Variants in KLHL38 observed in about 807,000 individuals in gnomAD.
KLHL38 encodes the protein kelch-like protein 38.
In KLHL38, 38 loss-of-function variants were observed where a neutral mutation model predicts 39.6. The observed-to-expected ratio is 0.96, with a 90% CI of 0.74 to 1.26. The LOEUF (loss-of-function observed/expected upper bound fraction) is 1.26, where lower values mean the gene tolerates loss of function less well. KLHL38 is among the 50% of genes most tolerant of loss of function. The pLI, the probability that KLHL38 is intolerant of heterozygous loss-of-function variation, is 0.00. For missense variants in KLHL38, 803 were observed against 748.1 expected (o/e 1.07, Z -0.86); for synonymous variants, 322 against 302.2 (o/e 1.07, Z -0.68).
intron 2 of KLHL38, among the ~76,000 whole-genome samples, chr8:123,650,908 C>T (rs139917374): frequency 1.8e-4 from 27 of 152,226 alleles, no homozygotes; most frequent in Middle Eastern, 6.8e-3. Context: ...TCTTTTAAGG[C>T]CTTACTGACT....
Position 123,652,387 on chromosome 8 carries a change from C to T in KLHL38, c.540G>A (p.Leu180=), listed in dbSNP as rs746461027. Residue 180 remains leucine (L), a synonymous_variant, in exon 2 of 4, where the codon TTG becomes TTA. Coordinates refer to ENST00000684634, the MANE Select transcript of KLHL38 (RefSeq NM_001081675.3). ...ADLKELCALE[L]RDYLGDDGLC... ...GCCCATCATCTCCGAGATAGTCCCT[C>T]AACTCCAAGGCACAGAGCTCCTTCA... The T allele has an allele frequency of 1.2e-6, 2 of 1,613,940 alleles. No homozygotes were observed. The highest frequency in any genetic ancestry group is 1.7e-6 in the Non-Finnish European group (2 of 1,180,044).
intron 2 of KLHL38, among the ~76,000 whole-genome samples, chr8:123,650,864 G>A (rs972035443): frequency 1.3e-5 from 2 of 152,142 alleles, no homozygotes; most frequent in African/African-American, 4.8e-5. Context: ...CAGGGGATTT[G>A]GTCACAGAGG....
At chr8:123,649,870 T>A (rs892397190) in intron 2 of KLHL38, among the ~76,000 whole-genome samples, 1 of 152,148 alleles carries the variant, frequency 6.6e-6, no homozygotes. Flanking sequence ...AACTCCATTG[T>A]CCTGCTTTCC....
At position 123,651,668 on chromosome 8, in the gene KLHL38, C is replaced by A; in HGVS notation, c.1259G>T (p.Gly420Val). Residue 420 changes from glycine (G) to valine (V), a missense_variant, in exon 2 of 4, where the codon GGG (glycine) becomes GTG (valine). Coordinates refer to ENST00000684634, the MANE Select transcript of KLHL38 (RefSeq NM_001081675.3). ...VWESMASMPV[G>V]VLHPAVAVKD... ...CACAGCGACTGCGGGGTGGAGCACC[C>A]CCACGGGCATGCTGGCCATACTCTC... 1 of 1,614,126 alleles carries A rather than the reference C, an allele frequency of 6.2e-7. No individual in the cohort carries two copies. The highest frequency in any genetic ancestry group is 8.5e-7 in the Non-Finnish European group (1 of 1,180,024).
chr8:123,649,841 C>T (rs1050984047), intron 2 of KLHL38, among the ~76,000 whole-genome samples: 1 of 152,196 alleles, frequency 6.6e-6, no homozygotes, highest in Admixed American at 6.5e-5. Context: ...CTGCCCTTCT[C>T]CTCTTTGCTC....
chr8:123,651,956 T>A lies in KLHL38; in HGVS notation c.971A>T (p.Lys324Met), dbSNP rs1587054933. Reference sequence around the variant, plus strand: ...GCGGTGCAAGGTGATGGCAGAGGCCTTGTACAGCCGTGTCGGGAGTTTGGC... The same window carrying A: ...GCGGTGCAAGGTGATGGCAGAGGCCATGTACAGCCGTGTCGGGAGTTTGGC... ...SLAKLPTRLY[K>M]ASAITLHRSI... Residue 324 changes from lysine (K) to methionine (M), a missense_variant, in exon 2 of 4, where the codon AAG (lysine) becomes ATG (methionine). Transcript: ENST00000684634. The A allele has an allele frequency of 6.2e-7, 1 of 1,614,250 alleles. No homozygotes were observed. The highest frequency in any genetic ancestry group is 2.2e-5 in the East Asian group (1 of 44,890).
chr8:123,645,813 G>A lies in KLHL38; in HGVS notation c.1672C>T (p.Gln558Ter), dbSNP rs772873243. 1.2e-6 allele frequency: 2 copies of A among 1,613,962 alleles called. No individual in the cohort carries two copies. The highest frequency in any genetic ancestry group is 1.1e-5 in the South Asian group (1 of 91,040). Residue 558 changes from glutamine to a stop codon, truncating the protein, a stop_gained, in exon 4 of 4, where the codon CAG becomes TAG. Coordinates refer to ENST00000684634, the MANE Select transcript of KLHL38 (RefSeq NM_001081675.3). LOFTEE classifies it high-confidence loss of function. ...PETDTWTSQG[Q>*]LPHKLFDHAC... ...TGGTCAAAGAGCTTGTGCGGCAGCT[G>A]TCCCTGGGATGTCCAGGTGTCCGTC...
intron 2 of KLHL38, among the ~76,000 whole-genome samples, chr8:123,651,311 T>G (rs1444080471): frequency 6.6e-6 from 1 of 152,246 alleles, no homozygotes; most frequent in Non-Finnish European, 1.5e-5. Flanking sequence ...TATATGTGTA[T>G]GCATGTGCAC....
rs747768437 is a variant in KLHL38, at chr8:123,652,426, G to A, written c.501C>T (p.Ala167=). Residue 167 remains alanine, a synonymous_variant, in exon 2 of 4, where the codon GCC becomes GCT. Transcript: ENST00000684634. ...EVALTSFPEV[A]ASADLKELCA... is the part of the protein sequence containing the mutation. ...AGAGCTCCTTCAGGTCGGCCGATGCGGCCACCTCTGGGAAGGACGTCAGTG... is the reference window on the plus strand; with the variant it reads ...AGAGCTCCTTCAGGTCGGCCGATGCAGCCACCTCTGGGAAGGACGTCAGTG... 213 of 1,613,972 alleles carry A rather than the reference G, an allele frequency of 1.3e-4. No homozygotes were observed. Among genetic ancestry groups the A allele is most frequent in the Middle Eastern group, 3.3e-4 (2 of 6,084 alleles).
Position 123,645,576 on chromosome 8 carries a change from G to C in KLHL38, c.*163C>G. 1 of 648,846 alleles carries C rather than the reference G, an allele frequency of 1.5e-6. No homozygotes were observed. Among genetic ancestry groups the C allele is most frequent in the South Asian group, 1.9e-5 (1 of 51,500 alleles). 40.2% of individuals were successfully genotyped at this position (648,846 alleles called of 1,614,324 possible). A position where few individuals can be genotyped will look rare whatever the true frequency, so the allele number is the denominator to read the frequency against. On this transcript the variant is annotated 3_prime_UTR_variant, in exon 4 of 4. Coordinates refer to ENST00000684634, the MANE Select transcript of KLHL38 (RefSeq NM_001081675.3). ...AAGGAGAGAGGCAGAGAAGGAGAGAGAGAGTTCTGGCAATGCAATGCCTAG... is the reference window on the plus strand; with the variant it reads ...AAGGAGAGAGGCAGAGAAGGAGAGACAGAGTTCTGGCAATGCAATGCCTAG...
intron 2 of KLHL38, among the ~76,000 whole-genome samples, chr8:123,649,563 T>A (rs542854810): frequency 3.2e-4 from 49 of 152,322 alleles, no homozygotes; most frequent in Non-Finnish European, 2.6e-4. Context: ...AATGTGAATG[T>A]GTTTTACCTC....
rs1295619803 is a variant in KLHL38 at position 123,646,895 on chromosome 8, C to G, written c.1456+14G>C. On this transcript the variant is annotated intron_variant, in intron 3 of 3. Transcript: ENST00000684634. Reference sequence around the variant, plus strand: ...AGTTTGTGTCACGCCCAGTGATCCTCTGTTCAGACTCACCTCCCACAATGA... The same window carrying G: ...AGTTTGTGTCACGCCCAGTGATCCTGTGTTCAGACTCACCTCCCACAATGA... 2 of 1,581,204 alleles carry G rather than the reference C, an allele frequency of 1.3e-6. No individual in the cohort carries two copies. The highest frequency in any genetic ancestry group is 3.4e-5 in the Admixed American group (2 of 58,316).
At position 123,651,927 on chromosome 8, in the gene KLHL38, T is replaced by C. The variant is rs11784192; in HGVS notation, c.1000A>G (p.Ile334Val). The C allele has an allele frequency of 0.83, 1,332,240 of 1,614,118 alleles. 552,632 individuals are homozygous for C. The highest frequency in any genetic ancestry group is 0.85 in the Non-Finnish European group (1,004,350 of 1,180,026). Reference protein sequence around the residue: ...KASAITLHRSIYVLGGMAVSS... With the variant: ...KASAITLHRSVYVLGGMAVSS... The stretch of plus-strand genomic sequence containing the variant: ...ACAGCCATGCCCCCCAGCACATAGA[T>C]GCTGCGGTGCAAGGTGATGGCAGAG... The change falls in exon 2 of 4, where the codon ATC becomes GTC. Residue 334 changes from isoleucine (I) to valine (V), a missense_variant. Physicochemically the swap from Ile to Val is conservative, Grantham distance 29. Coordinates refer to ENST00000684634, the MANE Select transcript of KLHL38 (RefSeq NM_001081675.3).
In KLHL38 at chr8:123,645,952, C is replaced by A. The variant is rs1437386442; in HGVS notation, c.1533G>T (p.Arg511Ser). ...CCATCACTGTGGCCCCATGGTGCAT[C>A]CTCCGGTCTTTCATGTCCGCACATT... ...FVKCADMKDR[R>S]MHHGATVMGN... is the part of the protein sequence containing the mutation. The change falls in exon 4 of 4, where the codon AGG becomes AGT. Residue 511 changes from arginine (R) to serine (S), a missense_variant. Arg to Ser is a moderately radical substitution (Grantham distance 110, BLOSUM62 -1). Coordinates refer to ENST00000684634, the MANE Select transcript of KLHL38 (RefSeq NM_001081675.3). 6.2e-7 allele frequency: 1 copy of A among 1,614,156 alleles called. No homozygotes were observed. Among genetic ancestry groups the A allele is most frequent in the South Asian group, 1.1e-5 (1 of 91,076 alleles).
Position 123,651,881 on chromosome 8 carries a change from A to T in KLHL38, c.1046T>A (p.Val349Asp). The T allele has an allele frequency of 6.2e-7, 1 of 1,614,140 alleles. No individual in the cohort carries two copies. Among genetic ancestry groups the T allele is most frequent in the Non-Finnish European group, 8.5e-7 (1 of 1,179,976 alleles). ...GGAGAAGATGTAGACATTGTGACTG[A>T]CCAGACTCCTCCCTGAGCTGACAGC... ...GMAVSSGRSLVSHNVYIFSLK... is the reference protein window; with the variant it reads ...GMAVSSGRSLDSHNVYIFSLK... The change falls in exon 2 of 4, where the codon GTC becomes GAC. Residue 349 changes from valine to aspartate, a missense_variant. Coordinates refer to ENST00000684634, the MANE Select transcript of KLHL38 (RefSeq NM_001081675.3).
Position 123,646,980 on chromosome 8 carries a change from A to G in KLHL38, c.1385T>C (p.Met462Thr), listed in dbSNP as rs1368526887. ...YHISRNSWFK[M>T]ETRMIKNVCA... Reference sequence around the variant, plus strand: ...CACGTTCTTGATCATTCTTGTCTCCATTTTGAACCACGAGTTTCTGGAAAT... The same window carrying G: ...CACGTTCTTGATCATTCTTGTCTCCGTTTTGAACCACGAGTTTCTGGAAAT... The change falls in exon 3 of 4, where the codon ATG becomes ACG. Residue 462 changes from methionine (M) to threonine (T), a missense_variant. By Grantham distance (81) the Met-to-Thr change is moderately conservative. Transcript: ENST00000684634. 1 of 1,613,212 alleles carries G rather than the reference A, an allele frequency of 6.2e-7. No homozygotes were observed. Among genetic ancestry groups the G allele is most frequent in the Non-Finnish European group, 8.5e-7 (1 of 1,179,558 alleles).
At chr8:123,647,233 C>T (rs1458935121) in intron 2 of KLHL38, among the ~76,000 whole-genome samples, 1 of 152,182 alleles carries the variant, frequency 6.6e-6, no homozygotes, top group African/African-American at 2.4e-5. Flanking sequence ...CAGGAACTCA[C>T]TGGCTGTAAT....
chr8:123,648,844 A>C (rs944615375), intron 2 of KLHL38, among the ~76,000 whole-genome samples: 3 of 152,234 alleles, frequency 2.0e-5, no homozygotes, highest in Admixed American at 2.0e-4. Context: ...ACACAGATGA[A>C]CAAGCCTATG....
chr8:123,650,180 C>G lies in KLHL38; in HGVS notation c.1350+1397G>C, dbSNP rs546354989. Among the ~76,000 whole-genome samples, 57 of 151,956 alleles carry G rather than the reference C, an allele frequency of 3.8e-4. 1 individual carries two copies. The South Asian group carries it at 0.012, about 31-fold the overall frequency. The stretch of plus-strand genomic sequence containing the variant: ...GGGTTTGCTCCAACATTCCCTTAAC[C>G]CTGGCACTCTCTCTGATTCTCTCTG... On this transcript the variant is annotated intron_variant, in intron 2 of 3. Transcript: ENST00000684634.
Sources: allele counts gnomAD v4.1 joint callset (sites outside exome capture counted in the v4.1 genomes callset), GRCh38; gene constraint gnomAD v4.1.1; transcripts MANE v1.5; gene names NCBI Gene and HGNC (gene_info 2026-07-23, HGNC 2026-07-21).